SLC2A5: variants seen among roughly 807,000 people sequenced by gnomAD.
SLC2A5 encodes solute carrier family 2, facilitated glucose transporter member 5.
SLC2A5 carries 56 observed loss-of-function variants against 50.3 expected under a neutral mutation model. That is an observed-to-expected ratio of 1.11 (90% confidence interval 0.90 to 1.39). SLC2A5 has a LOEUF of 1.39. Among genes scored for constraint, SLC2A5 ranks in the 40% most tolerant of loss-of-function variants. The pLI, the probability that SLC2A5 is intolerant of heterozygous loss-of-function variation, is 0.00. For missense variants in SLC2A5, 566 were observed against 650.1 expected, an observed-to-expected ratio of 0.87 and a Z score of 1.41; for synonymous variants, 269 against 281.9, an observed-to-expected ratio of 0.95 and a Z score of 0.46.
Position 9,038,884 on chromosome 1 carries a change from CCAG to C in SLC2A5, c.1039_1041del (p.Leu347del), listed in dbSNP as rs751658322. 27 of 1,610,094 alleles carry C rather than the reference CCAG, an allele frequency of 1.7e-5. No homozygotes were observed. Among genetic ancestry groups the C allele is most frequent in the Admixed American group, 5.0e-5 (3 of 59,908 alleles). On this transcript the variant is annotated inframe_deletion, in exon 9 of 12. Coordinates refer to ENST00000377424, the MANE Select transcript of SLC2A5 (RefSeq NM_003039.3). ...CAGGCTATGAGGCAGATGGAGAAGC[CCAG>C]CAGCAGCAGCAGCCTCCGACCCAGG...
intron 1 of SLC2A5, among the ~76,000 whole-genome samples, chr1:9,065,047 C>G (rs1301659209): frequency 1.6e-5 from 2 of 127,802 alleles, no homozygotes; most frequent in Non-Finnish European, 3.1e-5. Flanking sequence ...GAGCAAGATT[C>G]TGTCTCAAAA....
chr1:9,046,405 G>A (rs996676741), intron 4 of SLC2A5, among the ~76,000 whole-genome samples: 1 of 152,194 alleles, frequency 6.6e-6, no homozygotes, highest in East Asian at 1.9e-4. Flanking sequence ...AAGCAACAGA[G>A]TGGGATTAGG....
intron 3 of SLC2A5, among the ~76,000 whole-genome samples, chr1:9,056,204 A>T (rs1641746042): frequency 6.6e-6 from 1 of 152,096 alleles, no homozygotes; most frequent in Admixed American, 6.6e-5. Context: ...TTGTTTTTTG[A>T]GACGGAGTTT....
At chr1:9,072,034 C>A (rs1277721318), upstream of SLC2A5, 4 of 154,234 alleles carry the variant, frequency 2.6e-5, no homozygotes, top group Admixed American at 2.6e-4. Flanking sequence ...TTGCCCGAGT[C>A]CCCCTCAGCC....
chr1:9,089,549 C>T (rs1361756162), upstream of SLC2A5, among the ~76,000 whole-genome samples: 2 of 152,200 alleles, frequency 1.3e-5, no homozygotes, highest in Non-Finnish European at 2.9e-5. Context: ...AGGCAAGCGT[C>T]TCTGTTTAAA....
intron 4 of SLC2A5, among the ~76,000 whole-genome samples, chr1:9,043,508 A>T (rs1269769881): frequency 6.6e-6 from 1 of 152,146 alleles, no homozygotes; most frequent in Non-Finnish European, 1.5e-5. Context: ...TGGGAGCTGA[A>T]GTGGGAGGCT....
chr1:9,046,583 C>T (rs945892448), intron 4 of SLC2A5, among the ~76,000 whole-genome samples: 3 of 151,950 alleles, frequency 2.0e-5, no homozygotes, highest in Non-Finnish European at 2.9e-5. Flanking sequence ...GGAATTCATA[C>T]ATTAGATTGT....
chr1:9,038,015 G>A lies in SLC2A5; in HGVS notation c.1184C>T (p.Pro395Leu), dbSNP rs762225163. ...GAAGATCTCAGTGATGAGCAGCGCG[G>A]GTATGGGACCTGTAGGGGGAGGAGA... is the stretch of plus-strand genomic sequence containing the variant. ...IGHALGPSPI[P>L]ALLITEIFLQ... The change falls in exon 11 of 12, where the codon CCC becomes CTC. Residue 395 changes from proline to leucine, a missense_variant. By Grantham distance (98) the Pro-to-Leu change is moderately conservative. Transcript: ENST00000377424. 1 of 1,613,818 alleles carries A rather than the reference G, an allele frequency of 6.2e-7. No individual in the cohort carries two copies. Among genetic ancestry groups the A allele is most frequent in the South Asian group, 1.1e-5 (1 of 91,080 alleles).
chr1:9,047,435 A>C (rs1641463328), intron 4 of SLC2A5, among the ~76,000 whole-genome samples, 175 bp downstream of exon 4: 1 of 152,208 alleles, frequency 6.6e-6, no homozygotes, highest in South Asian at 2.1e-4. Context: ...GAAACATCAC[A>C]GTAAAGCTCT....
In SLC2A5 at chr1:9,057,694, T is replaced by G. The variant is rs936436518; in HGVS notation, c.133-86A>C. 1.2e-5 allele frequency: 14 copies of G among 1,200,954 alleles called. No homozygotes were observed. In the African/African-American group the frequency reaches 2.1e-4, roughly 18 times the overall value. 74.4% of individuals were successfully genotyped at this position (1,200,954 alleles called of 1,614,324 possible). On this transcript the variant is annotated intron_variant, in intron 2 of 11. Transcript: ENST00000377424. ...TTAGCTGTTAGGACACCCAATGAAATAACCTGGGCACACAGAGACCAACCT... is the reference window on the plus strand; with the variant it reads ...TTAGCTGTTAGGACACCCAATGAAAGAACCTGGGCACACAGAGACCAACCT...
chr1:9,046,114 C>A (rs1270223971), intron 4 of SLC2A5, among the ~76,000 whole-genome samples: 3 of 152,126 alleles, frequency 2.0e-5, no homozygotes, highest in Non-Finnish European at 2.9e-5. Flanking sequence ...TTGGAAGGAA[C>A]AAATGAGAGT....
upstream of SLC2A5, among the ~76,000 whole-genome samples, chr1:9,074,102 A>C (rs1403523165): frequency 6.7e-6 from 1 of 149,024 alleles, no homozygotes; most frequent in Non-Finnish European, 1.5e-5. Context: ...AAAAAAAAAT[A>C]CGTCAGTAGA....
intron 3 of SLC2A5, among the ~76,000 whole-genome samples, chr1:9,053,445 A>T (rs59755184): frequency 6.7e-5 from 2 of 29,750 alleles, no homozygotes; most frequent in African/African-American, 2.6e-4. Flanking sequence ...TTTATATATT[A>T]TATATATTTA....
chr1:9,044,603 G>A (rs1273280507), intron 4 of SLC2A5, among the ~76,000 whole-genome samples: 2 of 152,104 alleles, frequency 1.3e-5, no homozygotes, highest in Non-Finnish European at 2.9e-5. Flanking sequence ...TGCCCAGGCT[G>A]GAGTACAGTG....
chr1:9,077,355 C>T (rs1050251957), intron 2 of SLC2A5, among the ~76,000 whole-genome samples: 5 of 148,402 alleles, frequency 3.4e-5, no homozygotes, highest in Admixed American at 6.7e-5. Flanking sequence ...ACTGAGATAG[C>T]GCCACTGCAC....
At chr1:9,083,277 C>T (rs1642372236) in intron 2 of SLC2A5, among the ~76,000 whole-genome samples, 1 of 152,220 alleles carries the variant, frequency 6.6e-6, no homozygotes, top group Non-Finnish European at 1.5e-5. Context: ...CGAAAGTGCA[C>T]ATTTTTCTCC....
chr1:9,039,825 C>A lies in SLC2A5; in HGVS notation c.860G>T (p.Gly287Val). 1 of 1,601,186 alleles carries A rather than the reference C, an allele frequency of 6.2e-7. No homozygotes were observed. The change falls in exon 7 of 12, where the codon GGC becomes GTC. Residue 287 changes from glycine (G) to valine (V), a missense_variant. Transcript: ENST00000377424. ...QLLSIIVLMG[G>V]QQLSGVNAIY... ...AGCGTTGACGCCCGACAGCTGCTGG[C>A]CGCCCATGAGGACGATGATGGACAG...
intron 11 of SLC2A5, 34 bp from the exon 12 acceptor site, chr1:9,037,823 C>T (rs1274748919): frequency 2.4e-5 from 39 of 1,613,776 alleles, no homozygotes; most frequent in East Asian, 4.5e-5. Context: ...ACGTGTGGGA[C>T]GTGGTTTGCC....
intron 2 of SLC2A5, among the ~76,000 whole-genome samples, chr1:9,081,219 C>T (rs1642347107): frequency 1.4e-5 from 2 of 140,094 alleles, no homozygotes; most frequent in African/African-American, 5.3e-5. Flanking sequence ...GTGATCATAC[C>T]ACTGCACTCC....
Sources: allele counts gnomAD v4.1 joint callset (sites outside exome capture counted in the v4.1 genomes callset), GRCh38; gene constraint gnomAD v4.1.1; transcripts MANE v1.5; gene names NCBI Gene and HGNC (gene_info 2026-07-23, HGNC 2026-07-21).